NAV1: variants seen among roughly 807,000 people sequenced by gnomAD.
NAV1 encodes neuron navigator 1, also known as pore membrane and/or filament interacting like protein 3.
Under a neutral mutation model 175.2 loss-of-function variants are expected in NAV1, and 18 were observed. The observed-to-expected ratio is 0.10, with a 90% CI of 0.07 to 0.15. The LOEUF (loss-of-function observed/expected upper bound fraction) is 0.15. Among genes scored for constraint, NAV1 ranks in the 10% least tolerant of loss-of-function variants. The pLI is 1.00. For missense variants in NAV1, 1,731 were observed against 2,436.6 expected, an observed-to-expected ratio of 0.71 and a Z score of 6.10; for synonymous variants, 897 against 978.7, an observed-to-expected ratio of 0.92 and a Z score of 1.56.
intron 1 of NAV1, among the ~76,000 whole-genome samples, chr1:201,565,700 G>A (rs1200473035): frequency 6.6e-6 from 1 of 152,194 alleles, no homozygotes; most frequent in African/African-American, 2.4e-5. Context: ...TATTAGCAGA[G>A]CCCCTGAGAC....
chr1:201,798,608 C>T (rs1001245036), intron 15 of NAV1: 3 of 97,108 alleles, frequency 3.1e-5, no homozygotes, highest in African/African-American at 3.9e-5. Context: ...GACCTGGTTT[C>T]AAAAAAAAAA....
intron 3 of NAV1, among the ~76,000 whole-genome samples, chr1:201,727,177 C>T (rs887664653): frequency 6.6e-6 from 1 of 152,180 alleles, no homozygotes; most frequent in Non-Finnish European, 1.5e-5. Context: ...TCAACAAATG[C>T]TGGCTCTCCT....
At chr1:201,642,552 TCTTTTTTCC>T (rs777370055) in intron 2 of NAV1, among the ~76,000 whole-genome samples, 147 of 108,122 alleles carry the variant, frequency 1.4e-3, no homozygotes, top group Non-Finnish European at 2.3e-3. Flanking sequence ...TTTCTTTCTT[TCTTTTTTCC>T]CTTTCTTCCC....
intron 1 of NAV1, among the ~76,000 whole-genome samples, chr1:201,690,368 T>C (rs1369597273): frequency 2.2e-4 from 19 of 85,650 alleles, no homozygotes; most frequent in Non-Finnish European, 2.8e-5. Context: ...TGGCAGAATG[T>C]GTCTATTTCC....
intron 1 of NAV1, among the ~76,000 whole-genome samples, chr1:201,659,363 C>T (rs1669521625): frequency 1.3e-5 from 2 of 152,210 alleles, no homozygotes; most frequent in Non-Finnish European, 2.9e-5. Context: ...CACCTGTAAT[C>T]CCAGCACTTT....
At chr1:201,802,231 GGA>G (rs1677945587) in intron 15 of NAV1, among the ~76,000 whole-genome samples, 1 of 144,318 alleles carries the variant, frequency 6.9e-6, no homozygotes, top group Non-Finnish European at 1.5e-5. Context: ...TTTGAACCCA[GGA>G]GACGGAGGTT....
At chr1:201,786,141 T>C (rs951385795) in intron 8 of NAV1, among the ~76,000 whole-genome samples, 6 of 152,174 alleles carry the variant, frequency 3.9e-5, no homozygotes, top group Non-Finnish European at 7.3e-5. Context: ...GTCTCTGTCC[T>C]GAACTTCTGA....
intron 3 of NAV1, among the ~76,000 whole-genome samples, chr1:201,775,407 T>C (rs1406272234): frequency 6.6e-6 from 1 of 152,188 alleles, no homozygotes. Context: ...GACCAACCCA[T>C]GAGAAAAAAC....
At chr1:201,623,755 G>A in intron 1 of NAV1, 149 bp downstream of exon 3, 1 of 766,294 alleles carries the variant, frequency 1.3e-6, no homozygotes, top group Non-Finnish European at 1.6e-6. Context: ...GTAGGTGGAG[G>A]CCTACAGAGT....
exon 1 of NAV1, chr1:201,623,463 G>C: frequency 1.0e-6 from 1 of 986,048 alleles, no homozygotes; most frequent in Non-Finnish European, 1.2e-6. Flanking sequence ...AGCCTGATGA[G>C]GGGGCAGCTT....
chr1:201,712,939 A>G lies in NAV1; in HGVS notation c.860+20A>G. On this transcript the variant is annotated intron_variant, in intron 2 of 29. Transcript: ENST00000367296. ...TCACAGGTAAGCTCGAGCTGCAGAG[A>G]GGGTCATGCCCTCTGCCTTCCTGGC... The G allele has an allele frequency of 2.6e-6, 4 of 1,561,666 alleles. No individual in the cohort carries two copies. The highest frequency in any genetic ancestry group is 2.6e-6 in the Non-Finnish European group (3 of 1,132,446).
Position 201,651,708 on chromosome 1 carries a change from G to A in NAV1, c.757+2283G>A, listed in dbSNP as rs540690806. ...GAGAGAGGAAGAGTCAGCAGGCAGAGGGACCTGCCCAAGGCTATGTCTACT... is the reference window on the plus strand; with the variant it reads ...GAGAGAGGAAGAGTCAGCAGGCAGAAGGACCTGCCCAAGGCTATGTCTACT... On this transcript the variant is annotated intron_variant, in intron 1 of 29. Coordinates refer to ENST00000367296, the Ensembl canonical transcript of NAV1. 5.9e-5 allele frequency among the ~76,000 whole-genome samples: 9 copies of A among 152,258 alleles called. No homozygotes were observed. The South Asian group carries it at 1.7e-3, about 28-fold the overall frequency.
At chr1:201,790,854 A>G in intron 13 of NAV1, 88 bp downstream of exon 17, 1 of 1,335,030 alleles carries the variant, frequency 7.5e-7, no homozygotes, top group South Asian at 1.2e-5. Context: ...CTACCTGGTA[A>G]GGTATCCCCT....
chr1:201,665,028 G>A (rs573003524), intron 1 of NAV1, among the ~76,000 whole-genome samples: 4 of 152,226 alleles, frequency 2.6e-5, no homozygotes, highest in South Asian at 4.1e-4. Context: ...TCTAAACACC[G>A]CCCAGATTGC....
At chr1:201,579,227 C>T (rs560427964) in intron 1 of NAV1, among the ~76,000 whole-genome samples, 2 of 152,164 alleles carry the variant, frequency 1.3e-5, no homozygotes, top group Non-Finnish European at 2.9e-5. Flanking sequence ...TTTGTTTGCA[C>T]CCATTGGCAT....
chr1:201,639,992 A>G (rs1163216842), intron 2 of NAV1, among the ~76,000 whole-genome samples: 1 of 151,906 alleles, frequency 6.6e-6, no homozygotes, highest in Non-Finnish European at 1.5e-5. Context: ...AGCTCCAAGG[A>G]ATGTGAGTTG....
intron 1 of NAV1, among the ~76,000 whole-genome samples, chr1:201,650,361 G>A (rs1310242818): frequency 6.6e-6 from 1 of 152,256 alleles, no homozygotes; most frequent in Non-Finnish European, 1.5e-5. Flanking sequence ...AGGCGGCCAT[G>A]CCTCGGGAAC....
chr1:201,755,611 A>G (rs1333218965), intron 3 of NAV1, among the ~76,000 whole-genome samples: 2 of 152,344 alleles, frequency 1.3e-5, no homozygotes, highest in East Asian at 3.9e-4. Context: ...ATAGGCTAGG[A>G]AAACTTGCAT....
chr1:201,649,612 C>T (rs1669109311), intron 1 of NAV1, among the ~76,000 whole-genome samples, 187 bp downstream of exon 5: 1 of 152,200 alleles, frequency 6.6e-6, no homozygotes, highest in African/African-American at 2.4e-5. Flanking sequence ...GCGCATGGCT[C>T]AAGTGTACCT....
Sources: gnomAD v4.1 joint callset for allele counts (sites outside exome capture counted in the v4.1 genomes callset) on GRCh38, gnomAD v4.1.1 for gene constraint, MANE v1.5 for transcripts, NCBI Gene and HGNC (gene_info 2026-07-23, HGNC 2026-07-21) for gene names.